Variants in AGMO observed in about 807,000 individuals in gnomAD.
The protein encoded by AGMO is alkylglycerol monooxygenase, also known as glyceryl-ether monooxygenase.
In AGMO, 75 loss-of-function variants were observed where a neutral mutation model predicts 60.2. The observed-to-expected ratio is 1.25, with a 90% CI of 1.03 to 1.51. The LOEUF is 1.51. Ranked by LOEUF, AGMO falls within the 40% of genes most tolerant of loss-of-function variation. The pLI is 0.00. For missense variants in AGMO, 763 were observed against 525.5 expected (o/e 1.45, Z -4.42); for synonymous variants, 261 against 177.1 (o/e 1.47, Z -3.76).
chr7:15,365,713 A>G, intron 11 of AGMO, 94 bp from the exon 12 acceptor site: 3 of 813,618 alleles, frequency 3.7e-6, no homozygotes, highest in African/African-American at 1.8e-5. Context: ...TTCTCAAGAA[A>G]TACCTAGTAT....
intron 3 of AGMO, among the ~76,000 whole-genome samples, chr7:15,484,174 A>T (rs1782847984): frequency 6.6e-6 from 1 of 152,162 alleles, no homozygotes; most frequent in Admixed American, 6.5e-5. Context: ...GCCCTTGAAG[A>T]TGGCTTAAAA....
At chr7:15,390,572 G>A in intron 8 of AGMO, 99 bp downstream of exon 8, 2 of 914,822 alleles carry the variant, frequency 2.2e-6, no homozygotes, top group Non-Finnish European at 3.3e-6. Flanking sequence ...TTTCAGGTTA[G>A]TGTAATATAC....
At chr7:15,331,785 G>A (rs181806002) in intron 12 of AGMO, among the ~76,000 whole-genome samples, 3 of 152,110 alleles carry the variant, frequency 2.0e-5, no homozygotes, top group Non-Finnish European at 2.9e-5. Context: ...AATTAGCCAG[G>A]TGTGGTGGCC....
chr7:15,357,970 G>A (rs1270342089), intron 12 of AGMO, among the ~76,000 whole-genome samples: 1 of 151,968 alleles, frequency 6.6e-6, no homozygotes, highest in African/African-American at 2.4e-5. Flanking sequence ...AAGAAAGGAA[G>A]AGAAAAAAAG....
chr7:15,216,224 C>T (rs193296780), intron 12 of AGMO, among the ~76,000 whole-genome samples: 1 of 152,228 alleles, frequency 6.6e-6, no homozygotes, highest in Non-Finnish European at 1.5e-5. Context: ...TTTTAGCAAA[C>T]TTTCAGGCCA....
At position 15,366,143 on chromosome 7, in the gene AGMO, T is replaced by C. The variant is rs1189401752; in HGVS notation, c.1154A>G (p.Gln385Arg). 4 of 1,604,944 alleles carry C rather than the reference T, an allele frequency of 2.5e-6. No individual in the cohort carries two copies. Among genetic ancestry groups the C allele is most frequent in the Non-Finnish European group, 1.7e-6 (2 of 1,174,690 alleles). The change falls in exon 11 of 13, where the codon CAA (glutamine) becomes CGA (arginine). Residue 385 changes from glutamine (Q) to arginine (R), a missense_variant. Physicochemically the swap from Gln to Arg is conservative, Grantham distance 43. Transcript: ENST00000342526. ...TLTSIGFLLD[Q>R]RPKAAIMETL... ...ATGCAAGAATTTCACTTCTTGCCTT[T>C]GATCCAGAAGAAATCCAATGGAAGT... is the stretch of plus-strand genomic sequence containing the variant.
In AGMO at chr7:15,394,182, G is replaced by T; in HGVS notation, c.610-3C>A. The T allele has an allele frequency of 3.1e-6, 5 of 1,588,364 alleles. No homozygotes were observed. The highest frequency in any genetic ancestry group is 4.3e-6 in the Non-Finnish European group (5 of 1,157,238). ...AAAGGACCAAGGTTATTGATGACCTGTTTAAAACAGAAGGAATATTTATAC... is the reference window on the plus strand; with the variant it reads ...AAAGGACCAAGGTTATTGATGACCTTTTTAAAACAGAAGGAATATTTATAC... On this transcript the variant is annotated splice_polypyrimidine_tract_variant and splice_region_variant and intron_variant, in intron 5 of 12. Transcript: ENST00000342526.
At chr7:15,330,206 TC>T (rs1781459160) in intron 12 of AGMO, among the ~76,000 whole-genome samples, 1 of 152,138 alleles carries the variant, frequency 6.6e-6, no homozygotes, top group Admixed American at 6.6e-5. Flanking sequence ...AAGTAATACA[TC>T]CATCTGCCAA....
In AGMO at chr7:15,350,893, G is replaced by A. The variant is rs188248931; in HGVS notation, c.1263+14621C>T. The stretch of plus-strand genomic sequence containing the variant: ...AGAATAAATGAGGCATTATTTTGGA[G>A]AGACAGTAATTAAACATTGTTCAGT... On this transcript the variant is annotated intron_variant, in intron 12 of 12. Transcript: ENST00000342526. Among the ~76,000 whole-genome samples the A allele has an allele frequency of 3.9e-5, 6 of 152,268 alleles. No homozygotes were observed. In the East Asian group the frequency reaches 1.2e-3, roughly 29 times the overall value.
chr7:15,486,491 T>C (rs1782924486), intron 3 of AGMO, among the ~76,000 whole-genome samples: 1 of 152,142 alleles, frequency 6.6e-6, no homozygotes, highest in Admixed American at 6.5e-5. Flanking sequence ...TTGTAAGCCA[T>C]CCTGAATAAT....
At chr7:15,185,583 C>T in the AGMO span, among the ~76,000 whole-genome samples, 13 of 152,130 alleles carry the variant, frequency 8.5e-5, no homozygotes, top group Non-Finnish European at 1.3e-4. Context: ...GACTGCCAGT[C>T]GGCATCCCAA....
At chr7:15,540,073 AG>A in intron 3 of AGMO, among the ~76,000 whole-genome samples, 1 of 152,286 alleles carries the variant, frequency 6.6e-6, no homozygotes, top group East Asian at 1.9e-4. Flanking sequence ...AGAGGTAAGG[AG>A]GGAGGAATTC....
chr7:15,296,036 T>C (rs28507677), intron 12 of AGMO, among the ~76,000 whole-genome samples: 10,990 of 152,172 alleles, frequency 0.072, 1,315 homozygotes, highest in African/African-American at 0.25. Context: ...TGTTTACATA[T>C]GGAAATGTTT....
chr7:15,440,415 T>C (rs1348643404), intron 3 of AGMO, among the ~76,000 whole-genome samples: 1 of 152,168 alleles, frequency 6.6e-6, no homozygotes, highest in Non-Finnish European at 1.5e-5. Context: ...GAAATGAGGT[T>C]CATTTTCTCA....
intron 3 of AGMO, among the ~76,000 whole-genome samples, chr7:15,534,823 C>G (rs1343211750): frequency 6.6e-6 from 1 of 151,638 alleles, no homozygotes; most frequent in Admixed American, 6.6e-5. Context: ...AAATTTAACC[C>G]TGAATTTTGG....
downstream of AGMO, among the ~76,000 whole-genome samples, chr7:15,195,502 CTTT>C (rs371133006): frequency 6.7e-3 from 1,022 of 152,310 alleles, 13 homozygotes; most frequent in African/African-American, 0.023. Context: ...CCACCCTAAT[CTTT>C]TTATTATGCA....
intron 2 of AGMO, among the ~76,000 whole-genome samples, chr7:15,552,219 A>G (rs1784984836): frequency 6.6e-6 from 1 of 152,224 alleles, no homozygotes; most frequent in African/African-American, 2.4e-5. Context: ...TAAAAACCCT[A>G]GAAGAAAACC....
At chr7:15,383,621 GATA>G (rs1783784279) in intron 10 of AGMO, among the ~76,000 whole-genome samples, 1 of 151,770 alleles carries the variant, frequency 6.6e-6, no homozygotes, top group Non-Finnish European at 1.5e-5. Flanking sequence ...TGAAATTATT[GATA>G]ATCCTAGATT....
At chr7:15,313,071 G>C (rs182356140) in intron 12 of AGMO, among the ~76,000 whole-genome samples, 1 of 152,208 alleles carries the variant, frequency 6.6e-6, no homozygotes. Context: ...TACAATACAT[G>C]GACATATCTA....
Sources: gnomAD v4.1 joint callset for allele counts (sites outside exome capture counted in the v4.1 genomes callset) on GRCh38, gnomAD v4.1.1 for gene constraint, MANE v1.5 for transcripts, NCBI Gene and HGNC (gene_info 2026-07-23, HGNC 2026-07-21) for gene names.